Variants in MRPS12 observed in about 807,000 individuals in gnomAD.
The protein encoded by MRPS12 is small ribosomal subunit protein uS12m.
Under a neutral mutation model 8.4 loss-of-function variants are expected in MRPS12, and 7 were observed. The ratio of observed to expected loss-of-function variants is 0.83; its 90% CI spans 0.47 to 1.56. The LOEUF (loss-of-function observed/expected upper bound fraction) is 1.56. Ranked by LOEUF, MRPS12 falls within the 40% of genes most tolerant of loss-of-function variation. MRPS12 has a pLI of 0.01. For synonymous variants in MRPS12, 84 were observed against 84.1 expected (o/e 1.00, Z 0.01); for missense variants, 200 against 194.1 (o/e 1.03, Z -0.18).
At position 38,932,342 on chromosome 19, in the gene MRPS12, T is replaced by C; in HGVS notation, c.59T>C (p.Leu20Pro). The change falls in exon 3 of 3, where the codon CTG becomes CCG. Residue 20 changes from leucine (L) to proline (P), a missense_variant. Coordinates refer to ENST00000308018, the MANE Select transcript of MRPS12 (RefSeq NM_033362.4). ...TTTCGGCCCTCTCCAGGCCCAGCTC[T>C]GGTTCCCCGGCTCTGGGCTACCTGC... ...LNTSLTCGPA[L>P]VPRLWATCSM... 1 of 1,533,896 alleles carries C rather than the reference T, an allele frequency of 6.5e-7. No homozygotes were observed. Among genetic ancestry groups the C allele is most frequent in the Non-Finnish European group, 8.8e-7 (1 of 1,138,926 alleles).
chr19:38,931,550 A>C (rs1341272884), intron 2 of MRPS12: 12 of 430,438 alleles, frequency 2.8e-5, no homozygotes, highest in Middle Eastern at 6.1e-4. Context: ...GGTCAGTTTT[A>C]TTATTTATTT....
At chr19:38,931,523 G>A (rs531314723) in intron 2 of MRPS12, 180 bp downstream of exon 2, 2 of 477,228 alleles carry the variant, frequency 4.2e-6, no homozygotes, top group East Asian at 3.4e-5. Flanking sequence ...GGGCTACTGC[G>A]TGTCAAGCGG....
chr19:38,931,600 G>T (rs953689878), intron 2 of MRPS12: 5 of 343,672 alleles, frequency 1.5e-5, no homozygotes, highest in Non-Finnish European at 2.7e-5. Context: ...GAAGTGCAGC[G>T]GTGTGATCAC....
In MRPS12 at chr19:38,932,766, G is replaced by A; in HGVS notation, c.*66G>A. ...GAACCTTCCGCTCCTGGCTGCCACA[G>A]GGTCCTCCGATGCTGGCCTTTGCGC... On this transcript the variant is annotated 3_prime_UTR_variant, in exon 3 of 3. Coordinates refer to ENST00000308018, the MANE Select transcript of MRPS12 (RefSeq NM_033362.4). The A allele has an allele frequency of 6.4e-7, 1 of 1,567,944 alleles. No homozygotes were observed. Among genetic ancestry groups the A allele is most frequent in the Non-Finnish European group, 8.6e-7 (1 of 1,160,670 alleles).
At chr19:38,931,561 A>G (rs545986493) in intron 2 of MRPS12, 25 of 412,458 alleles carry the variant, frequency 6.1e-5, no homozygotes, top group African/African-American at 4.3e-4. Flanking sequence ...TTATTTATTT[A>G]TTTAAGATCT....
chr19:38,931,704 G>T (rs749702400), intron 2 of MRPS12: 10 of 188,864 alleles, frequency 5.3e-5, no homozygotes, highest in Non-Finnish European at 1.1e-5. Flanking sequence ...ACCACAACCA[G>T]CTAACTTTTT....
Position 38,932,485 on chromosome 19 carries a change from C to G in MRPS12, c.202C>G (p.Arg68Gly), listed in dbSNP as rs147184696. Residue 68 changes from arginine (R) to glycine (G), a missense_variant, in exon 3 of 3, where the codon CGC becomes GGC. Physicochemically the swap from Arg to Gly is moderately radical, Grantham distance 125 (BLOSUM62 -2). Coordinates refer to ENST00000308018, the MANE Select transcript of MRPS12 (RefSeq NM_033362.4). The stretch of plus-strand genomic sequence containing the variant: ...GGGTGTGGTCCTGTGCACGTTTACC[C>G]GCAAGCCGAAGAAGCCCAACTCAGC... ...LKGVVLCTFT[R>G]KPKKPNSANR... 3 of 1,613,250 alleles carry G rather than the reference C, an allele frequency of 1.9e-6. No individual in the cohort carries two copies. Among genetic ancestry groups the G allele is most frequent in the South Asian group, 1.1e-5 (1 of 91,064 alleles).
chr19:38,932,548 C>T lies in MRPS12; in HGVS notation c.265C>T (p.Arg89Cys), dbSNP rs539326603. The T allele has an allele frequency of 3.4e-5, 55 of 1,612,900 alleles. 1 individual carries two copies. The South Asian group carries it at 3.5e-4, about 10-fold the overall frequency. Reference protein sequence around the residue: ...KCCRVRLSTGREAVCFIPGEG... With the variant: ...KCCRVRLSTGCEAVCFIPGEG... ...CTGTCGAGTGCGGCTCAGCACTGGCCGCGAGGCCGTCTGCTTCATCCCTGG... is the reference window on the plus strand; with the variant it reads ...CTGTCGAGTGCGGCTCAGCACTGGCTGCGAGGCCGTCTGCTTCATCCCTGG... Residue 89 changes from arginine to cysteine, a missense_variant, in exon 3 of 3, where the codon CGC becomes TGC. Physicochemically the swap from Arg to Cys is radical, Grantham distance 180 (BLOSUM62 -3). Transcript: ENST00000308018.
Position 38,932,520 on chromosome 19 carries a change from G to C in MRPS12, c.237G>C (p.Lys79Asn). 3 of 1,612,948 alleles carry C rather than the reference G, an allele frequency of 1.9e-6. No homozygotes were observed. Among genetic ancestry groups the C allele is most frequent in the Non-Finnish European group, 2.5e-6 (3 of 1,179,218 alleles). Reference protein sequence around the residue: ...KPKKPNSANRKCCRVRLSTGR... With the variant: ...KPKKPNSANRNCCRVRLSTGR... ...AGAAGCCCAACTCAGCCAATCGCAA[G>C]TGCTGTCGAGTGCGGCTCAGCACTG... Residue 79 changes from lysine (K) to asparagine (N), a missense_variant, in exon 3 of 3, where the codon AAG (lysine) becomes AAC (asparagine). Lys to Asn is a moderately conservative substitution (Grantham distance 94, BLOSUM62 0). Transcript: ENST00000308018.
In MRPS12 at chr19:38,932,901, C is replaced by T; in HGVS notation, c.*201C>T. 1.4e-6 allele frequency: 1 copy of T among 704,860 alleles called. No individual in the cohort carries two copies. The highest frequency in any genetic ancestry group is 2.3e-6 in the Non-Finnish European group (1 of 437,310). 43.7% of individuals were successfully genotyped at this position (704,860 alleles called of 1,614,324 possible). On this transcript the variant is annotated 3_prime_UTR_variant, in exon 3 of 3. Coordinates refer to ENST00000308018, the MANE Select transcript of MRPS12 (RefSeq NM_033362.4). ...TGCAAAGGGTGCCCCTCTGTCAACA[C>T]CCTTGGCTCCTGTGTTTAGAGGGGT...
In MRPS12 at chr19:38,932,529, AGT is replaced by A; in HGVS notation, c.248_249del (p.Val83AlafsTer134). ...ACTCAGCCAATCGCAAGTGCTGTCG[AGT>A]GCGGCTCAGCACTGGCCGCGAGGCC... is the stretch of plus-strand genomic sequence containing the variant. The part of the protein sequence containing the change: ...PNSANRKCCR[V>X]RLSTGREAVC... On this transcript the variant is annotated frameshift_variant, in exon 3 of 3. Transcript: ENST00000308018. LOFTEE classifies it high-confidence loss of function. The A allele has an allele frequency of 1.2e-6, 2 of 1,612,876 alleles. No homozygotes were observed. Among genetic ancestry groups the A allele is most frequent in the Non-Finnish European group, 1.7e-6 (2 of 1,179,162 alleles).
In MRPS12 at chr19:38,932,353, C is replaced by T; in HGVS notation, c.70C>T (p.Leu24Phe). The change falls in exon 3 of 3, where the codon CTC becomes TTC. Residue 24 changes from leucine (L) to phenylalanine (F), a missense_variant. Leu to Phe is a conservative substitution (Grantham distance 22, BLOSUM62 0). Transcript: ENST00000308018. ...TCCAGGCCCAGCTCTGGTTCCCCGGCTCTGGGCTACCTGCTCCATGGCTAC... is the reference window on the plus strand; with the variant it reads ...TCCAGGCCCAGCTCTGGTTCCCCGGTTCTGGGCTACCTGCTCCATGGCTAC... ...LTCGPALVPR[L>F]WATCSMATLN... 6 of 1,546,528 alleles carry T rather than the reference C, an allele frequency of 3.9e-6. No individual in the cohort carries two copies. Among genetic ancestry groups the T allele is most frequent in the Non-Finnish European group, 5.2e-6 (6 of 1,143,700 alleles).
At chr19:38,931,749 C>T (rs1423202088) in intron 2 of MRPS12, 2 of 164,692 alleles carry the variant, frequency 1.2e-5, no homozygotes, top group African/African-American at 4.8e-5. Context: ...CCCTGTGTCG[C>T]CCAGTCTGGC....
At position 38,932,483 on chromosome 19, in the gene MRPS12, C is replaced by T. The variant is rs111688400; in HGVS notation, c.200C>T (p.Thr67Ile). The change falls in exon 3 of 3, where the codon ACC becomes ATC. Residue 67 changes from threonine (T) to isoleucine (I), a missense_variant. Coordinates refer to ENST00000308018, the MANE Select transcript of MRPS12 (RefSeq NM_033362.4). ...QLKGVVLCTF[T>I]RKPKKPNSAN... ...AAGGGTGTGGTCCTGTGCACGTTTACCCGCAAGCCGAAGAAGCCCAACTCA... is the reference window on the plus strand; with the variant it reads ...AAGGGTGTGGTCCTGTGCACGTTTATCCGCAAGCCGAAGAAGCCCAACTCA... The T allele has an allele frequency of 4.3e-6, 7 of 1,613,154 alleles. No individual in the cohort carries two copies. Among genetic ancestry groups the T allele is most frequent in the Non-Finnish European group, 5.9e-6 (7 of 1,179,560 alleles).
chr19:38,931,492 G>A, intron 2 of MRPS12, 149 bp downstream of exon 2: 1 of 663,546 alleles, frequency 1.5e-6, no homozygotes, highest in South Asian at 2.5e-5. Context: ...TAGAGCAAGA[G>A]GTGGGAAGCA....
chr19:38,932,415 G>C lies in MRPS12; in HGVS notation c.132G>C (p.Arg44=), dbSNP rs1201643861. 1.9e-6 allele frequency: 3 copies of C among 1,608,376 alleles called. No homozygotes were observed. The highest frequency in any genetic ancestry group is 2.7e-5 in the African/African-American group (2 of 74,832). The change falls in exon 3 of 3, where the codon CGG becomes CGC. Residue 44 remains arginine, a synonymous_variant. Transcript: ENST00000308018. Reference sequence around the variant, plus strand: ...TGCACCGCCTGGGGCCCCCCAAGCGGCCGCCTCGGAAGCTGGGCCCCACGG... The same window carrying C: ...TGCACCGCCTGGGGCCCCCCAAGCGCCCGCCTCGGAAGCTGGGCCCCACGG... ...NQMHRLGPPK[R]PPRKLGPTEG...
rs112064258 is a variant in MRPS12, at chr19:38,931,051, C to T, written c.-20+53C>T. On this transcript the variant is annotated intron_variant, in intron 1 of 2. Transcript: ENST00000308018. ...TCTACCAGGCCATCTCCCCAGTTTC[C>T]CAGTTCTTCCTGCGTGCGGGCGAGA... is the stretch of plus-strand genomic sequence containing the variant. 7 of 598,030 alleles carry T rather than the reference C, an allele frequency of 1.2e-5. 2 individuals carry two copies. Among genetic ancestry groups the T allele is most frequent in the African/African-American group, 7.4e-5 (4 of 53,948 alleles). 37.0% of individuals were successfully genotyped at this position (598,030 alleles called of 1,614,324 possible).
Position 38,932,467 on chromosome 19 carries a change from G to C in MRPS12, c.184G>C (p.Val62Leu), listed in dbSNP as rs1974775628. 6.2e-6 allele frequency: 10 copies of C among 1,613,408 alleles called. No homozygotes were observed. The East Asian group carries it at 2.2e-4, about 36-fold the overall frequency. The change falls in exon 3 of 3, where the codon GTC becomes CTC. Residue 62 changes from valine (V) to leucine (L), a missense_variant. Transcript: ENST00000308018. Reference protein sequence around the residue: ...TEGRPQLKGVVLCTFTRKPKK... With the variant: ...TEGRPQLKGVLLCTFTRKPKK... ...AGGCCGGCCGCAGCTGAAGGGTGTG[G>C]TCCTGTGCACGTTTACCCGCAAGCC...
chr19:38,930,977 C>T lies in MRPS12; in HGVS notation c.-41C>T, dbSNP rs1974735956. The T allele has an allele frequency of 1.6e-6, 1 of 610,414 alleles. No individual in the cohort carries two copies. The highest frequency in any genetic ancestry group is 2.9e-6 in the Non-Finnish European group (1 of 345,420). The allele number at this position is 610,414 out of a possible 1,614,324, so 37.8% of individuals were successfully genotyped here. On this transcript the variant is annotated 5_prime_UTR_variant, in exon 1 of 3. Transcript: ENST00000308018. ...GAAGCTGGATTCAGCGTGTCCGCGA[C>T]CTCACCTTTAGGTCCTGTGAGGTCG...
Sources: gnomAD v4.1 joint callset for allele counts on GRCh38, gnomAD v4.1.1 for gene constraint, MANE v1.5 for transcripts, NCBI Gene and HGNC (gene_info 2026-07-23, HGNC 2026-07-21) for gene names.